The following NAA15 variants were observed in gnomAD, a reference collection of about 807,000 sequenced individuals.
NAA15 encodes the protein N-alpha-acetyltransferase 15, NatA auxiliary subunit.
Under a neutral mutation model 114.0 loss-of-function variants are expected in NAA15, and 34 were observed. The ratio of observed to expected loss-of-function variants is 0.30; its 90% confidence interval spans 0.23 to 0.40. The LOEUF is 0.40. Ranked by LOEUF, NAA15 falls within the 10% of genes least tolerant of loss-of-function variation. The pLI is 1.00. For missense variants in NAA15, 658 were observed against 1,004.5 expected (o/e 0.66, Z 4.66); for synonymous variants, 340 against 338.0 (o/e 1.01, Z -0.06).
intron 17 of NAA15, among the ~76,000 whole-genome samples, chr4:139,383,493 C>T (rs113017731): frequency 0.055 from 8,329 of 152,250 alleles, 258 homozygotes; most frequent in East Asian, 0.1. Context: ...TATTTTGAGA[C>T]AGAGTCTCAC....
chr4:139,315,129 C>G (rs1447460175), intron 1 of NAA15, among the ~76,000 whole-genome samples: 2 of 151,474 alleles, frequency 1.3e-5, no homozygotes, highest in African/African-American at 2.4e-5. Context: ...GTGGCGCGAT[C>G]CCGGCTCACT....
chr4:139,345,852 C>T (rs1303893984), intron 6 of NAA15, among the ~76,000 whole-genome samples: 4 of 151,784 alleles, frequency 2.6e-5, no homozygotes, highest in South Asian at 2.1e-4. Context: ...ACCTGGGAGG[C>T]GGAGCTTGCA....
intron 1 of NAA15, among the ~76,000 whole-genome samples, chr4:139,314,911 T>G (rs1226973758): frequency 6.6e-6 from 1 of 151,698 alleles, no homozygotes; most frequent in East Asian, 1.9e-4. Context: ...CTCTTGACAT[T>G]GTGATCCGCC....
rs139028796 is a variant in NAA15 at position 139,358,346 on chromosome 4, C to A, written c.1257+791C>A. Among the ~76,000 whole-genome samples, 967 of 151,642 alleles carry A rather than the reference C, an allele frequency of 6.4e-3. 7 individuals are homozygous for A. Among genetic ancestry groups the A allele is most frequent in the Non-Finnish European group, 9.7e-3 (661 of 67,896 alleles). On this transcript the variant is annotated intron_variant, in intron 11 of 19. Transcript: ENST00000296543. The stretch of plus-strand genomic sequence containing the variant: ...TGGTAGCTGGGATTATAGGCATGCA[C>A]CACCATACCCAGCTAATTTTTGTAT...
chr4:139,378,787 G>T lies in NAA15; in HGVS notation c.2088G>T (p.Lys696Asn). The change falls in exon 17 of 20, where the codon AAG (lysine) becomes AAT (asparagine). Residue 696 changes from lysine (K) to asparagine (N), a missense_variant. By Grantham distance (94) the Lys-to-Asn change is moderately conservative (BLOSUM62 0). Transcript: ENST00000296543. ...EKFLLMLQSV[K>N]RAFAIDSSHP... The stretch of plus-strand genomic sequence containing the variant: ...TTCTTTTGATGCTACAATCAGTAAA[G>T]AGGGCATTTGCTATTGATTCTAGTC... 2 of 1,559,946 alleles carry T rather than the reference G, an allele frequency of 1.3e-6. No homozygotes were observed. Among genetic ancestry groups the T allele is most frequent in the Non-Finnish European group, 1.7e-6 (2 of 1,163,042 alleles).
chr4:139,376,849 G>T (rs754160609), intron 16 of NAA15, among the ~76,000 whole-genome samples: 11 of 152,074 alleles, frequency 7.2e-5, no homozygotes, highest in Non-Finnish European at 1.0e-4. Context: ...ATAAATAGAA[G>T]ATAAAATTTT....
At chr4:139,337,636 C>T (rs1027713694) in intron 3 of NAA15, among the ~76,000 whole-genome samples, 4 of 152,120 alleles carry the variant, frequency 2.6e-5, no homozygotes, top group Non-Finnish European at 1.5e-5. Flanking sequence ...TTGTGGGTTG[C>T]TATTTTTAAG....
intron 1 of NAA15, among the ~76,000 whole-genome samples, chr4:139,315,214 T>A (rs1240208676): frequency 1.3e-5 from 2 of 151,716 alleles, no homozygotes; most frequent in Non-Finnish European, 2.9e-5. Flanking sequence ...GGAGACCAAG[T>A]GACATTTTAA....
At chr4:139,325,295 G>A (rs1317041705) in intron 1 of NAA15, among the ~76,000 whole-genome samples, 1 of 152,040 alleles carries the variant, frequency 6.6e-6, no homozygotes, top group Non-Finnish European at 1.5e-5. Context: ...TAAAAATTTT[G>A]GGTTTAATAA....
intron 12 of NAA15, 118 bp from the exon 13 acceptor site, chr4:139,360,382 T>A (rs1469148552): frequency 1.3e-6 from 1 of 799,318 alleles, no homozygotes; most frequent in African/African-American, 1.8e-5. Flanking sequence ...TTTAAGAATG[T>A]TTTAAAAATT....
At chr4:139,348,638 G>T (rs1747679867) in intron 6 of NAA15, among the ~76,000 whole-genome samples, 1 of 152,172 alleles carries the variant, frequency 6.6e-6, no homozygotes, top group Non-Finnish European at 1.5e-5. Flanking sequence ...CTGAATATTT[G>T]AAGCTTATAT....
At chr4:139,303,789 C>T (rs753267833) in intron 1 of NAA15, among the ~76,000 whole-genome samples, 4 of 152,182 alleles carry the variant, frequency 2.6e-5, no homozygotes, top group Non-Finnish European at 5.9e-5. Flanking sequence ...AAACAAAAAA[C>T]TTCATCTCTA....
At chr4:139,317,305 G>A (rs796074573) in intron 1 of NAA15, among the ~76,000 whole-genome samples, 1 of 151,198 alleles carries the variant, frequency 6.6e-6, no homozygotes, top group African/African-American at 2.4e-5. Flanking sequence ...TGGTTTTTAT[G>A]AGGATTTGTG....
chr4:139,304,278 G>A (rs1157388760), intron 1 of NAA15, among the ~76,000 whole-genome samples: 2 of 152,236 alleles, frequency 1.3e-5, no homozygotes. Flanking sequence ...TAATAATCAC[G>A]TAGTTTAAGG....
At chr4:139,354,292 G>A (rs567594496) in intron 10 of NAA15, among the ~76,000 whole-genome samples, 194 bp downstream of exon 10, 4 of 152,122 alleles carry the variant, frequency 2.6e-5, no homozygotes, top group African/African-American at 9.6e-5. Flanking sequence ...CATTATCTTT[G>A]TTTTTTGTGT....
chr4:139,314,996 T>TCAGGTCAGGTCAGGTCAGG (rs1560952688), intron 1 of NAA15, among the ~76,000 whole-genome samples: 3 of 57,280 alleles, frequency 5.2e-5, no homozygotes, highest in Non-Finnish European at 1.0e-4. Flanking sequence ...TTCAGTTCAG[T>TCAGGTCAGGTCAGGTCAGG]TCAGTTTAGT....
In NAA15 at chr4:139,344,467, G is replaced by A. The variant is rs13146944; in HGVS notation, c.691+128G>A. On this transcript the variant is annotated intron_variant, in intron 6 of 19. Coordinates refer to ENST00000296543, the MANE Select transcript of NAA15 (RefSeq NM_057175.5). ...ATGATAGGAAATCTATTTCTTACTCGTGTACTTTTAATAGTTTATGATGTG... is the reference window on the plus strand; with the variant it reads ...ATGATAGGAAATCTATTTCTTACTCATGTACTTTTAATAGTTTATGATGTG... The A allele has an allele frequency of 0.24, 163,287 of 681,734 alleles. 20,970 individuals are homozygous for A. The highest frequency in any genetic ancestry group is 0.36 in the African/African-American group (19,591 of 55,164). The allele number at this position is 681,734 out of a possible 1,614,324, so 42.2% of individuals were successfully genotyped here. A position where few individuals can be genotyped will look rare whatever the true frequency, so the allele number is the denominator to read the frequency against.
chr4:139,349,227 TGAATAAATTGAG>T (rs1469916379), intron 6 of NAA15, among the ~76,000 whole-genome samples: 1 of 152,162 alleles, frequency 6.6e-6, no homozygotes, highest in Non-Finnish European at 1.5e-5. Context: ...ACAGATTTTC[TGAATAAATTGAG>T]GATGTGAAGA....
At chr4:139,338,859 A>G (rs940536098) in intron 3 of NAA15, among the ~76,000 whole-genome samples, 2 of 151,380 alleles carry the variant, frequency 1.3e-5, no homozygotes, top group Non-Finnish European at 3.0e-5. Context: ...CACCCAGGCT[A>G]GAGTGCAGTG....
Sources: allele counts gnomAD v4.1 joint callset (sites outside exome capture counted in the v4.1 genomes callset), GRCh38; gene constraint gnomAD v4.1.1; transcripts MANE v1.5; gene names NCBI Gene and HGNC (gene_info 2026-07-23, HGNC 2026-07-21).